The following SLC25A21 variants were observed in gnomAD, a reference collection of about 807,000 sequenced individuals.
The protein encoded by SLC25A21 is mitochondrial 2-oxodicarboxylate carrier.
Under a neutral mutation model 43.8 loss-of-function variants are expected in SLC25A21, and 47 were observed. The observed-to-expected ratio is 1.07, with a 90% confidence interval of 0.85 to 1.37. SLC25A21 has a LOEUF of 1.37. SLC25A21 is among the 40% of genes most tolerant of loss of function. The pLI is 0.00. For synonymous variants in SLC25A21, 131 were observed against 121.3 expected (o/e 1.08, Z -0.52); for missense variants, 352 against 350.2 (o/e 1.00, Z -0.04).
intron 1 of SLC25A21, among the ~76,000 whole-genome samples, chr14:37,025,846 T>TC (rs1163952891): frequency 6.6e-6 from 1 of 152,140 alleles, no homozygotes; most frequent in Admixed American, 6.6e-5. Context: ...GAGTTTTGTT[T>TC]TCTTTTTTCT....
intron 3 of SLC25A21, among the ~76,000 whole-genome samples, chr14:36,746,253 T>C (rs929556666): frequency 1.2e-4 from 19 of 152,290 alleles, no homozygotes; most frequent in Admixed American, 1.2e-3. Flanking sequence ...TGCCATGGAA[T>C]ACTACTCAGC....
At chr14:36,964,179 A>T (rs1485324711) in intron 1 of SLC25A21, among the ~76,000 whole-genome samples, 1 of 152,236 alleles carries the variant, frequency 6.6e-6, no homozygotes, top group African/African-American at 2.4e-5. Flanking sequence ...CTGATTTATG[A>T]ATCAATAGCA....
intron 1 of SLC25A21, among the ~76,000 whole-genome samples, chr14:36,935,650 T>A (rs971363600): frequency 1.3e-5 from 2 of 151,192 alleles, no homozygotes; most frequent in Non-Finnish European, 2.9e-5. Flanking sequence ...TATACCAGGC[T>A]ACAGCGTACT....
intron 1 of SLC25A21, among the ~76,000 whole-genome samples, chr14:37,083,718 A>C (rs1001308923): frequency 1.3e-5 from 2 of 152,194 alleles, no homozygotes; most frequent in Non-Finnish European, 2.9e-5. Flanking sequence ...GCTTGCTAGA[A>C]ATGCAGAACC....
chr14:37,100,872 T>C (rs1962804828), intron 1 of SLC25A21, among the ~76,000 whole-genome samples: 1 of 152,204 alleles, frequency 6.6e-6, no homozygotes, highest in African/African-American at 2.4e-5. Context: ...TAGAACACAA[T>C]TTATATTGCA....
chr14:36,801,759 C>T (rs1343018470), intron 3 of SLC25A21, among the ~76,000 whole-genome samples: 1 of 152,130 alleles, frequency 6.6e-6, no homozygotes, highest in Non-Finnish European at 1.5e-5. Flanking sequence ...TTACTTATTT[C>T]ATTTTTTAAT....
chr14:37,122,486 G>T (rs970451474), intron 1 of SLC25A21, among the ~76,000 whole-genome samples: 2 of 152,188 alleles, frequency 1.3e-5, no homozygotes, highest in Non-Finnish European at 2.9e-5. Flanking sequence ...AATTACTTCT[G>T]TCAAAGTGCT....
At chr14:37,124,457 C>A (rs1315809757) in intron 1 of SLC25A21, among the ~76,000 whole-genome samples, 1 of 152,010 alleles carries the variant, frequency 6.6e-6, no homozygotes, top group Non-Finnish European at 1.5e-5. Context: ...AGGGTTACAT[C>A]ACAGCATATA....
chr14:37,055,628 G>A (rs139928741), intron 1 of SLC25A21, among the ~76,000 whole-genome samples: 1 of 152,264 alleles, frequency 6.6e-6, no homozygotes, highest in Non-Finnish European at 1.5e-5. Context: ...ATGTTGGAGA[G>A]GGAAGGTGTA....
At chr14:37,066,756 G>GGA (rs752544508) in intron 1 of SLC25A21, among the ~76,000 whole-genome samples, 5 of 151,782 alleles carry the variant, frequency 3.3e-5, no homozygotes, top group African/African-American at 1.2e-4. Flanking sequence ...ATATACACAT[G>GGA]GAGAGAGAGA....
chr14:36,842,148 T>C (rs1889404060), intron 2 of SLC25A21, among the ~76,000 whole-genome samples: 1 of 152,192 alleles, frequency 6.6e-6, no homozygotes, highest in African/African-American at 2.4e-5. Context: ...CTGTACACAA[T>C]AGACATCTGA....
At chr14:36,829,541 T>C (rs1247269300) in intron 2 of SLC25A21, among the ~76,000 whole-genome samples, 1 of 152,184 alleles carries the variant, frequency 6.6e-6, no homozygotes, top group Non-Finnish European at 1.5e-5. Context: ...GATCCTGAGT[T>C]ATTCCTTGTG....
chr14:37,073,128 AG>A (rs1962208368), intron 1 of SLC25A21, among the ~76,000 whole-genome samples: 1 of 152,254 alleles, frequency 6.6e-6, no homozygotes, highest in African/African-American at 2.4e-5. Context: ...TCTCAAAAAC[AG>A]AAGATGACAT....
chr14:36,816,459 C>CTTAATTT, intron 2 of SLC25A21, among the ~76,000 whole-genome samples: 1 of 150,062 alleles, frequency 6.7e-6, no homozygotes, highest in East Asian at 2.0e-4. Flanking sequence ...CCTTTTTCTC[C>CTTAATTT]TTAATTTTTA....
At chr14:36,882,505 C>A (rs1354479723) in intron 1 of SLC25A21, among the ~76,000 whole-genome samples, 2 of 152,180 alleles carry the variant, frequency 1.3e-5, no homozygotes, top group Non-Finnish European at 2.9e-5. Flanking sequence ...TGAATGGTAT[C>A]TCTAGGTTGT....
chr14:37,075,540 C>T (rs765597480), intron 1 of SLC25A21, among the ~76,000 whole-genome samples: 2 of 152,016 alleles, frequency 1.3e-5, no homozygotes, highest in South Asian at 4.2e-4. Context: ...CATAGAGTGA[C>T]GGGGGAAGGA....
At chr14:37,128,433 G>T (rs976165824) in intron 1 of SLC25A21, among the ~76,000 whole-genome samples, 2 of 151,706 alleles carry the variant, frequency 1.3e-5, no homozygotes, top group Admixed American at 1.3e-4. Context: ...GTGTTATTTC[G>T]ATGTGTTAAT....
rs556778664 is a variant in SLC25A21, at chr14:36,871,405, T to A, written c.119+3551A>T. ...GTGAGAAATAAATTTCTGTTGTCTA[T>A]AAGTTACCCAGTTTATGATATTTTG... is the stretch of plus-strand genomic sequence containing the variant. On this transcript the variant is annotated intron_variant, in intron 2 of 9. Coordinates refer to ENST00000331299, the MANE Select transcript of SLC25A21 (RefSeq NM_030631.4). Among the ~76,000 whole-genome samples, 54 of 152,280 alleles carry A rather than the reference T, an allele frequency of 3.5e-4. No individual in the cohort carries two copies. The South Asian group carries it at 0.011, about 32-fold the overall frequency.
intron 2 of SLC25A21, among the ~76,000 whole-genome samples, chr14:36,836,550 G>C (rs1889215810): frequency 6.6e-6 from 1 of 152,120 alleles, no homozygotes; most frequent in Non-Finnish European, 1.5e-5. Flanking sequence ...AGCTAACATG[G>C]AAGCATTATG....
Sources: gnomAD v4.1 joint callset for allele counts (sites outside exome capture counted in the v4.1 genomes callset) on GRCh38, gnomAD v4.1.1 for gene constraint, MANE v1.5 for transcripts, NCBI Gene and HGNC (gene_info 2026-07-23, HGNC 2026-07-21) for gene names.